The following FNTB variants were observed in gnomAD, a reference collection of about 807,000 sequenced individuals.
FNTB encodes the protein protein farnesyltransferase subunit beta.
Under a neutral mutation model 59.4 loss-of-function variants are expected in FNTB, and 27 were observed. The observed-to-expected ratio is 0.45, with a 90% CI of 0.34 to 0.63. FNTB has a LOEUF of 0.63. FNTB is among the 20% of genes least tolerant of loss of function. The probability of loss-of-function intolerance (pLI) is 0.02; values close to 1 mark genes in which losing one functional copy is unlikely to be tolerated. For synonymous variants in FNTB, 230 were observed against 220.7 expected (o/e 1.04, Z -0.37); for missense variants, 449 against 559.6 (o/e 0.80, Z 1.99).
intron 7 of FNTB, among the ~76,000 whole-genome samples, chr14:65,034,733 T>C (rs1366213616): frequency 1.3e-5 from 2 of 152,228 alleles, no homozygotes; most frequent in African/African-American, 4.8e-5. Flanking sequence ...GTGGTAAGTA[T>C]GGAATTATAA....
chr14:65,039,762 C>CCAT (rs1202512809), intron 7 of FNTB, among the ~76,000 whole-genome samples: 2 of 152,112 alleles, frequency 1.3e-5, no homozygotes, highest in Non-Finnish European at 2.9e-5. Flanking sequence ...GTTTAAGAAG[C>CCAT]CATCACCACC....
intron 9 of FNTB, among the ~76,000 whole-genome samples, chr14:65,050,473 C>T (rs2062581917): frequency 6.6e-6 from 1 of 152,030 alleles, no homozygotes; most frequent in Non-Finnish European, 1.5e-5. Flanking sequence ...TACCTGTAAT[C>T]CAAGGTACTC....
intron 4 of FNTB, among the ~76,000 whole-genome samples, chr14:65,018,306 G>C (rs935925964): frequency 1.3e-5 from 2 of 152,100 alleles, no homozygotes; most frequent in African/African-American, 4.8e-5. Flanking sequence ...TTCCAGCCTG[G>C]GCAACAGAGC....
chr14:65,026,486 T>C (rs1001475038), intron 4 of FNTB, among the ~76,000 whole-genome samples: 5 of 152,178 alleles, frequency 3.3e-5, no homozygotes, highest in African/African-American at 4.8e-5. Flanking sequence ...GCTCCTCTTA[T>C]GTTTACCGCA....
chr14:65,055,370 A>C (rs1460176305), intron 11 of FNTB, among the ~76,000 whole-genome samples: 1 of 151,978 alleles, frequency 6.6e-6, no homozygotes, highest in African/African-American at 2.4e-5. Context: ...GACTGTCATG[A>C]ATTTTTGTGT....
At chr14:65,037,824 A>C (rs531788410) in intron 7 of FNTB, among the ~76,000 whole-genome samples, 11 of 149,044 alleles carry the variant, frequency 7.4e-5, no homozygotes, top group South Asian at 2.1e-4. Flanking sequence ...TCTGTTGCCC[A>C]GGCTGGAGTG....
intron 9 of FNTB, among the ~76,000 whole-genome samples, chr14:65,051,826 G>A (rs996837994): frequency 5.0e-5 from 7 of 140,790 alleles, no homozygotes; most frequent in Non-Finnish European, 7.6e-5. Flanking sequence ...ATGGAGTCTC[G>A]CTGTGTCGCC....
At chr14:64,995,622 A>G (rs939069192) in intron 1 of FNTB, among the ~76,000 whole-genome samples, 12 of 151,526 alleles carry the variant, frequency 7.9e-5, no homozygotes, top group Non-Finnish European at 7.4e-5. Context: ...ACATTACTAT[A>G]TTAGTTTATA....
At position 65,012,236 on chromosome 14, in the gene FNTB, G is replaced by A. The variant is rs915977935; in HGVS notation, c.210-81G>A. On this transcript the variant is annotated intron_variant, in intron 2 of 11. Coordinates refer to ENST00000246166, the MANE Select transcript of FNTB (RefSeq NM_002028.4). The surrounding 1 kb of genome is among the most constrained non-coding windows in gnomAD (Gnocchi z 5.0). ...ACGTCCTGAAGCTGAGTGTTTACCC[G>A]TGTGTGTGTACGTGCACATACGTGT... 64 of 1,535,002 alleles carry A rather than the reference G, an allele frequency of 4.2e-5. No homozygotes were observed. In the African/African-American group the frequency reaches 6.7e-4, roughly 16 times the overall value.
At chr14:65,039,023 T>G (rs1438932089) in intron 7 of FNTB, among the ~76,000 whole-genome samples, 1 of 152,240 alleles carries the variant, frequency 6.6e-6, no homozygotes, top group Non-Finnish European at 1.5e-5. Flanking sequence ...TCCTCCAATT[T>G]ATTTTTGTTT....
chr14:65,003,520 A>T (rs1168290959), intron 1 of FNTB: 2 of 152,176 alleles, frequency 1.3e-5, no homozygotes, highest in East Asian at 3.9e-4. Flanking sequence ...AAGTTTGTTA[A>T]CATGTATGCT....
rs1371194678 is a variant in FNTB, at chr14:65,044,976, G to A, written c.955+533G>A. Among the ~76,000 whole-genome samples the A allele has an allele frequency of 6.6e-6, 1 of 152,182 alleles. No homozygotes were observed. The highest frequency in any genetic ancestry group is 1.5e-5 in the Non-Finnish European group (1 of 68,026). ...ACTGGCTGCAGAGTTGTCACTATTAGAAATGTTTTATTTTACATTCATTGA... is the reference window on the plus strand; with the variant it reads ...ACTGGCTGCAGAGTTGTCACTATTAAAAATGTTTTATTTTACATTCATTGA... On this transcript the variant is annotated intron_variant, in intron 9 of 11. Transcript: ENST00000246166. The surrounding 1 kb of genome is among the most constrained non-coding windows in gnomAD (Gnocchi z 5.5).
intron 2 of FNTB, among the ~76,000 whole-genome samples, chr14:65,006,699 T>A (rs1449934982): frequency 6.6e-6 from 1 of 152,228 alleles, no homozygotes; most frequent in African/African-American, 2.4e-5. Flanking sequence ...ACATGAACCT[T>A]TGATTATTTG....
chr14:65,047,378 C>A lies in FNTB; in HGVS notation c.955+2935C>A, dbSNP rs555234809. Reference sequence around the variant, plus strand: ...ATCCAGACTAGCTGGCATCTGAACCCTGCCCTGCTCATAACCACAGTAGGT... The same window carrying A: ...ATCCAGACTAGCTGGCATCTGAACCATGCCCTGCTCATAACCACAGTAGGT... On this transcript the variant is annotated intron_variant, in intron 9 of 11. Transcript: ENST00000246166. The surrounding 1 kb of genome is among the most constrained non-coding windows in gnomAD (Gnocchi z 5.2). 2.0e-5 allele frequency among the ~76,000 whole-genome samples: 3 copies of A among 152,216 alleles called. No homozygotes were observed. Among genetic ancestry groups the A allele is most frequent in the African/African-American group, 7.2e-5 (3 of 41,454 alleles).
At chr14:65,005,497 CTTTCT>C (rs1428654711) in intron 2 of FNTB, among the ~76,000 whole-genome samples, 2 of 136,748 alleles carry the variant, frequency 1.5e-5, no homozygotes, top group African/African-American at 6.2e-5. Flanking sequence ...TTCTTTCTTT[CTTTCT>C]TTCTTTCTTT....
In FNTB at chr14:65,062,258, CCTTAA is replaced by C. The variant is rs1312660021; in HGVS notation, c.*951_*955del. 4 of 152,408 alleles carry C rather than the reference CCTTAA, an allele frequency of 2.6e-5. No homozygotes were observed. In the South Asian group the frequency reaches 6.2e-4, roughly 24 times the overall value. 9.4% of individuals were successfully genotyped at this position (152,408 alleles called of 1,614,324 possible). A position where few individuals can be genotyped will look rare whatever the true frequency, so the allele number is the denominator to read the frequency against. On this transcript the variant is annotated 3_prime_UTR_variant, in exon 12 of 12. Transcript: ENST00000246166. This position sits in a 1 kb window ranked among gnomAD's most constrained non-coding sequence, Gnocchi z 4.3. ...AGTATTAACACTACTAAGTCTTTCA[CCTTAA>C]CTTATGACTCAGGATTTATTCACGT...
In FNTB at chr14:65,013,896, T is replaced by G. The variant is rs180949880; in HGVS notation, c.282+1507T>G. Among the ~76,000 whole-genome samples the G allele has an allele frequency of 5.6e-3, 853 of 152,342 alleles. 4 individuals carry two copies. The highest frequency in any genetic ancestry group is 9.4e-3 in the Non-Finnish European group (638 of 68,030). ...AACTACATGAGGTAGATCAATCTCT[T>G]GTTTTTTGCAGATAATGAAATGGGC... On this transcript the variant is annotated intron_variant, in intron 3 of 11. Transcript: ENST00000246166.
chr14:65,040,565 T>C (rs1322741281), intron 7 of FNTB, among the ~76,000 whole-genome samples: 2 of 150,854 alleles, frequency 1.3e-5, no homozygotes, highest in African/African-American at 2.4e-5. Context: ...CTTAGTCTCC[T>C]GAGCAGCTGG....
At chr14:65,005,511 T>TTCTTTCTTTCTTTC in intron 2 of FNTB, among the ~76,000 whole-genome samples, 1 of 64,458 alleles carries the variant, frequency 1.6e-5, no homozygotes, top group South Asian at 4.1e-4. Context: ...CTTTCTTTCT[T>TTCTTTCTTTCTTTC]TCTCTCTCTC....
Sources: gnomAD v4.1 joint callset for allele counts (sites outside exome capture counted in the v4.1 genomes callset) on GRCh38, gnomAD v4.1.1 for gene constraint, Gnocchi (gnomAD v3.1) non-coding constraint, MANE v1.5 for transcripts, NCBI Gene and HGNC (gene_info 2026-07-23, HGNC 2026-07-21) for gene names.